The following CFAP47 variants were observed in gnomAD, a reference collection of about 807,000 sequenced individuals.
CFAP47 encodes the protein cilia- and flagella-associated protein 47.
A neutral mutation model predicts 148.1 loss-of-function variants in CFAP47; 29 were observed. The observed-to-expected ratio is 0.20, with a 90% CI of 0.15 to 0.27. CFAP47 has a LOEUF of 0.27. Ranked by LOEUF, CFAP47 falls within the 10% of genes least tolerant of loss-of-function variation. CFAP47 has a pLI of 1.00. For missense variants in CFAP47, 1,872 were observed against 1,697.5 expected (o/e 1.10, Z -1.81); for synonymous variants, 664 against 577.3 (o/e 1.15, Z -2.15).
chrX:36,371,939 T>C (rs1349872610), intron 62 of CFAP47, among the ~76,000 whole-genome samples: 1 of 99,483 alleles, frequency 1.0e-5, no homozygotes, highest in Non-Finnish European at 2.1e-5. Context: ...TACACACATG[T>C]GTATATGTGT....
chrX:36,136,843 GTTAT>G (rs1939053701), intron 33 of CFAP47, among the ~76,000 whole-genome samples: 1 of 111,599 alleles, frequency 9.0e-6, no homozygotes, highest in Admixed American at 9.5e-5. Flanking sequence ...TATCAAAAAT[GTTAT>G]TTATAAGTTT....
At chrX:36,230,346 T>G (rs1940331424) in intron 46 of CFAP47, among the ~76,000 whole-genome samples, 2 of 108,746 alleles carry the variant, frequency 1.8e-5, no homozygotes, top group African/African-American at 6.8e-5. Flanking sequence ...TGATTTGCAT[T>G]TCTCTGATGG....
At chrX:35,993,855 AAG>A (rs1007798437) in intron 18 of CFAP47, among the ~76,000 whole-genome samples, 1 of 111,860 alleles carries the variant, frequency 8.9e-6, no homozygotes, top group African/African-American at 3.2e-5. Context: ...GCTAATTCTA[AAG>A]AGTCTTAATA....
intron 49 of CFAP47, among the ~76,000 whole-genome samples, chrX:36,276,919 C>G (rs1268783593): frequency 1.8e-5 from 2 of 111,121 alleles, no homozygotes; most frequent in Non-Finnish European, 3.8e-5. Flanking sequence ...GCAGCATAGT[C>G]TAATGTCATG....
At chrX:36,351,142 A>G (rs1556017434) in intron 59 of CFAP47, among the ~76,000 whole-genome samples, 1 of 111,723 alleles carries the variant, frequency 9.0e-6, no homozygotes, top group Non-Finnish European at 1.9e-5. Context: ...ACTGGTTGTA[A>G]AGAAAGATCA....
At chrX:35,966,223 A>G in intron 8 of CFAP47, among the ~76,000 whole-genome samples, 1 of 112,431 alleles carries the variant, frequency 8.9e-6, no homozygotes, top group African/African-American at 3.2e-5. Context: ...GCTAATATTT[A>G]AGAAATATTA....
At chrX:36,212,568 T>C (rs962048990) in intron 45 of CFAP47, among the ~76,000 whole-genome samples, 1 of 111,830 alleles carries the variant, frequency 8.9e-6, no homozygotes, top group African/African-American at 3.2e-5. Flanking sequence ...TTCTTTATTT[T>C]TTTAAAATGG....
At chrX:36,214,533 T>A (rs1043076227) in intron 45 of CFAP47, among the ~76,000 whole-genome samples, 21 of 112,234 alleles carry the variant, frequency 1.9e-4, no homozygotes, top group African/African-American at 6.8e-4. Flanking sequence ...TGTTGACTCT[T>A]GTAATAAAAC....
At chrX:36,107,501 A>G (rs1212703642) in intron 33 of CFAP47, among the ~76,000 whole-genome samples, 4 of 112,791 alleles carry the variant, frequency 3.5e-5, no homozygotes, top group Admixed American at 1.9e-4. Flanking sequence ...GGATGGTTAT[A>G]TAGATAAAGC....
chrX:36,085,247 A>G (rs929440127), intron 29 of CFAP47, 67 bp from the exon 30 acceptor site: 2 of 656,535 alleles, frequency 3.0e-6, no homozygotes, highest in African/African-American at 4.5e-5. Flanking sequence ...TGAATTGAAC[A>G]TGTTTTTTTT....
chrX:35,973,283 G>A (rs916239939), intron 13 of CFAP47, among the ~76,000 whole-genome samples: 53 of 110,696 alleles, frequency 4.8e-4, no homozygotes, highest in African/African-American at 1.4e-3. Context: ...TCTGCCTCCC[G>A]GGTTCATGCC....
intron 46 of CFAP47, among the ~76,000 whole-genome samples, 155 bp downstream of exon 46, chrX:36,228,979 A>T (rs1182792493): frequency 1.8e-5 from 2 of 111,857 alleles, no homozygotes; most frequent in South Asian, 3.7e-4. Flanking sequence ...CTCTTCCTAA[A>T]TATAAATGTT....
chrX:36,264,060 C>T (rs1342819515), intron 49 of CFAP47, among the ~76,000 whole-genome samples: 1 of 111,824 alleles, frequency 8.9e-6, no homozygotes, highest in Non-Finnish European at 1.9e-5. Flanking sequence ...ATGTCGTCTG[C>T]GAGCTAGGGC....
chrX:36,251,534 C>A, intron 49 of CFAP47, 90 bp downstream of exon 49: 1 of 375,098 alleles, frequency 2.7e-6, no homozygotes. Flanking sequence ...ATTTGTATTT[C>A]CACTTTCTAT....
intron 57 of CFAP47, among the ~76,000 whole-genome samples, chrX:36,334,015 A>G (rs1210214424): frequency 9.0e-6 from 1 of 111,556 alleles, no homozygotes; most frequent in Non-Finnish European, 1.9e-5. Flanking sequence ...AAAATATACA[A>G]ATGTGCTGAA....
At chrX:35,958,127 ATATT>A (rs901374935) in intron 8 of CFAP47, among the ~76,000 whole-genome samples, 2 of 111,683 alleles carry the variant, frequency 1.8e-5, no homozygotes, top group African/African-American at 6.5e-5. Context: ...TATAAATATT[ATATT>A]TATATAAGGC....
Position 35,975,698 on chromosome X carries a change from T to C in CFAP47, c.2498T>C (p.Val833Ala). 1 of 1,209,501 alleles carries C rather than the reference T, an allele frequency of 8.3e-7. No homozygotes were observed. The highest frequency in any genetic ancestry group is 1.8e-5 in the South Asian group (1 of 56,946). Reference protein sequence around the residue: ...WKSFTFTVNNVPSGHILVVAV... With the variant: ...WKSFTFTVNNAPSGHILVVAV... ...TCTTTCACCTTTACAGTGAACAATG[T>C]ACCCAGTGGACACATCCTAGTGGTG... Residue 833 changes from valine (V) to alanine (A), a missense_variant, in exon 15 of 64, where the codon GTA becomes GCA. Physicochemically the swap from Val to Ala is moderately conservative, Grantham distance 64. Coordinates refer to ENST00000378653, the MANE Select transcript of CFAP47 (RefSeq NM_001304548.2).
At chrX:36,305,785 G>T (rs1256654067) in intron 54 of CFAP47, among the ~76,000 whole-genome samples, 3 of 111,640 alleles carry the variant, frequency 2.7e-5, no homozygotes, top group Non-Finnish European at 3.8e-5. Flanking sequence ...AAGTCTGACA[G>T]TGAAATTAAT....
intron 15 of CFAP47, among the ~76,000 whole-genome samples, chrX:35,980,762 G>A (rs952837062): frequency 1.8e-5 from 2 of 110,565 alleles, no homozygotes; most frequent in African/African-American, 6.6e-5. Context: ...GGGCAACAAT[G>A]TTCTCATCTG....
Sources: gnomAD v4.1 joint callset for allele counts (sites outside exome capture counted in the v4.1 genomes callset) on GRCh38, gnomAD v4.1.1 for gene constraint, MANE v1.5 for transcripts, NCBI Gene and HGNC (gene_info 2026-07-23, HGNC 2026-07-21) for gene names.